TTC39B: variants seen among roughly 807,000 people sequenced by gnomAD.
TTC39B encodes the protein tetratricopeptide repeat domain 39B, also known as tetratricopeptide repeat protein 39B.
In TTC39B, 92 loss-of-function variants were observed where a neutral mutation model predicts 96.6. That is an observed-to-expected ratio of 0.95 (90% confidence interval 0.80 to 1.13). The LOEUF (loss-of-function observed/expected upper bound fraction) is 1.13, where lower values mean the gene tolerates loss of function less well. Ranked by LOEUF, TTC39B falls within the 50% of genes most tolerant of loss-of-function variation. The pLI is 0.00. For missense variants in TTC39B, 955 were observed against 809.3 expected (o/e 1.18, Z -2.18); for synonymous variants, 367 against 299.4 (o/e 1.23, Z -2.33).
intron 3 of TTC39B, among the ~76,000 whole-genome samples, chr9:15,225,005 A>G (rs1280784120): frequency 6.6e-6 from 1 of 152,208 alleles, no homozygotes; most frequent in African/African-American, 2.4e-5. Flanking sequence ...TAAAAGTTTA[A>G]TAAACCTCTA....
At chr9:15,180,083 C>A (rs1392473716) in intron 17 of TTC39B, among the ~76,000 whole-genome samples, 2 of 152,124 alleles carry the variant, frequency 1.3e-5, no homozygotes, top group South Asian at 2.1e-4. Context: ...AAGAAAATTA[C>A]ATGATAAAGC....
In TTC39B at chr9:15,283,734, C is replaced by T. The variant is rs773921591; in HGVS notation, c.241-15786G>A. Among the ~76,000 whole-genome samples the T allele has an allele frequency of 4.6e-5, 7 of 152,050 alleles. No homozygotes were observed. In the South Asian group the frequency reaches 8.3e-4, roughly 18 times the overall value. On this transcript the variant is annotated intron_variant, in intron 1 of 19. Coordinates refer to ENST00000512701, the Ensembl canonical transcript of TTC39B. ...TACAGACAGGGATTCCTGTGCATAT[C>T]GGAATTTTATTATTCAGTTACGATT...
chr9:15,233,528 G>C (rs1488680317), intron 2 of TTC39B, among the ~76,000 whole-genome samples: 1 of 150,226 alleles, frequency 6.7e-6, no homozygotes, highest in Admixed American at 6.6e-5. Flanking sequence ...ACTGGTTTTC[G>C]TATTTTTTTG....
At chr9:15,303,226 A>G (rs956670339) in intron 1 of TTC39B, among the ~76,000 whole-genome samples, 1 of 152,208 alleles carries the variant, frequency 6.6e-6, no homozygotes. Context: ...GACTTTTAAT[A>G]TAATGTTAAA....
chr9:15,225,813 G>T, intron 3 of TTC39B, 104 bp downstream of exon 3: 2 of 1,018,092 alleles, frequency 2.0e-6, no homozygotes, highest in Non-Finnish European at 2.8e-6. Context: ...TGACCTCATT[G>T]GTTTGTCAAA....
chr9:15,288,118 G>C (rs1190210937), intron 1 of TTC39B, among the ~76,000 whole-genome samples: 1 of 152,086 alleles, frequency 6.6e-6, no homozygotes, highest in East Asian at 1.9e-4. Flanking sequence ...TAGATTGCCA[G>C]ATGAAAAAGC....
At chr9:15,189,537 G>A (rs764638157) in intron 13 of TTC39B, 37 bp downstream of exon 13, 3 of 1,611,886 alleles carry the variant, frequency 1.9e-6, no homozygotes, top group African/African-American at 1.3e-5. Context: ...TCGCCATACA[G>A]ACAACTCCCC....
chr9:15,170,379 T>C (rs147734090), exon 20 of TTC39B: 1 of 152,192 alleles, frequency 6.6e-6, no homozygotes, highest in Non-Finnish European at 1.5e-5. Context: ...TTTCTACACT[T>C]CTTTCATTTT....
Position 15,209,044 on chromosome 9 carries a change from T to C in TTC39B, c.691+1044A>G, listed in dbSNP as rs115692449. ...GCTTTGTATTTTGTGTTCTCTAGTA[T>C]GGTATATTCTAGTATTTTGTGTTAC... On this transcript the variant is annotated intron_variant, in intron 6 of 19. Transcript: ENST00000512701. 9.5e-3 allele frequency among the ~76,000 whole-genome samples: 1,440 copies of C among 152,342 alleles called. 29 individuals are homozygous for C. Among genetic ancestry groups the C allele is most frequent in the African/African-American group, 0.033 (1,374 of 41,576 alleles).
chr9:15,211,542 A>G (rs1316589230), intron 4 of TTC39B, 145 bp from the exon 5 acceptor site: 3 of 724,920 alleles, frequency 4.1e-6, no homozygotes, highest in Non-Finnish European at 5.8e-6. Context: ...GTGAAAAGTA[A>G]CCTCTTAAAA....
chr9:15,272,745 C>T (rs1161046025), intron 1 of TTC39B, among the ~76,000 whole-genome samples: 2 of 152,202 alleles, frequency 1.3e-5, no homozygotes, highest in African/African-American at 2.4e-5. Flanking sequence ...GTACTCTGTA[C>T]TTCATGGACT....
intron 1 of TTC39B, among the ~76,000 whole-genome samples, chr9:15,278,311 T>C (rs1823625134): frequency 6.6e-6 from 1 of 152,170 alleles, no homozygotes; most frequent in African/African-American, 2.4e-5. Flanking sequence ...AATAAGTATA[T>C]ACAAAAAATA....
intron 6 of TTC39B, among the ~76,000 whole-genome samples, chr9:15,204,506 G>A (rs773376256): frequency 8.3e-4 from 125 of 151,110 alleles, no homozygotes; most frequent in Non-Finnish European, 6.3e-4. Flanking sequence ...TCCAGCCCGG[G>A]CAACAAGAGT....
Position 15,189,640 on chromosome 9 carries a change from A to G in TTC39B, c.1174-7T>C. ...AAAACAACACGAGTGAGCCCTGCAG[A>G]GCAAGGAAGAAAACACACTGTTCAA... is the stretch of plus-strand genomic sequence containing the variant. On this transcript the variant is annotated splice_region_variant and splice_polypyrimidine_tract_variant and intron_variant, in intron 12 of 19. Transcript: ENST00000512701. The G allele has an allele frequency of 6.2e-7, 1 of 1,614,200 alleles. No homozygotes were observed.
At chr9:15,167,002 A>T (rs1189085924) in exon 20 of TTC39B, 7 of 5,188 alleles carry the variant, frequency 1.3e-3, no homozygotes, top group African/African-American at 4.5e-3. Context: ...ATATATATAT[A>T]TATATATATA....
chr9:15,214,530 A>G (rs755147756), intron 3 of TTC39B, among the ~76,000 whole-genome samples: 1 of 152,218 alleles, frequency 6.6e-6, no homozygotes, highest in Non-Finnish European at 1.5e-5. Context: ...ATCGTAGGTA[A>G]CTAATAGCAG....
chr9:15,185,131 A>T, intron 16 of TTC39B, 149 bp downstream of exon 16: 1 of 995,370 alleles, frequency 1.0e-6, no homozygotes, highest in Non-Finnish European at 1.4e-6. Flanking sequence ...TTTATTTATT[A>T]ATTATTTATT....
At chr9:15,215,650 G>A (rs1482910541) in intron 3 of TTC39B, among the ~76,000 whole-genome samples, 1 of 151,448 alleles carries the variant, frequency 6.6e-6, no homozygotes, top group Non-Finnish European at 1.5e-5. Flanking sequence ...TTGAGGTCAG[G>A]AGTTTGAGAC....
intron 6 of TTC39B, among the ~76,000 whole-genome samples, chr9:15,204,230 T>TA (rs1819711572): frequency 6.6e-6 from 1 of 152,166 alleles, no homozygotes; most frequent in African/African-American, 2.4e-5. Flanking sequence ...TTAACTTAAT[T>TA]AGTAACATAA....
Sources: allele counts gnomAD v4.1 joint callset (sites outside exome capture counted in the v4.1 genomes callset), GRCh38; gene constraint gnomAD v4.1.1; transcripts MANE v1.5; gene names NCBI Gene and HGNC (gene_info 2026-07-23, HGNC 2026-07-21).